The following ARID1B variants were observed in gnomAD, a reference collection of about 807,000 sequenced individuals.
ARID1B encodes AT-rich interaction domain 1B.
In ARID1B, 30 loss-of-function variants were observed where a neutral mutation model predicts 212.3. The observed-to-expected ratio is 0.14, with a 90% CI of 0.11 to 0.19. ARID1B has a LOEUF of 0.19. Among genes scored for constraint, ARID1B ranks in the 10% least tolerant of loss-of-function variants. ARID1B has a pLI of 1.00. For synonymous variants in ARID1B, 1,402 were observed against 1,301.7 expected (o/e 1.08, Z -1.66); for missense variants, 2,891 against 3,204.0 (o/e 0.90, Z 2.36).
At chr6:156,786,164 C>A (rs1779614417) in intron 1 of ARID1B, among the ~76,000 whole-genome samples, 2 of 151,876 alleles carry the variant, frequency 1.3e-5, no homozygotes, top group Non-Finnish European at 2.9e-5. Context: ...TTTTATTTTC[C>A]CACTATTAGT....
In ARID1B at chr6:156,778,610, C is replaced by T. The variant is rs1778872934; in HGVS notation, c.930C>T (p.Val310=). Residue 310 remains valine (V), a synonymous_variant, in exon 1 of 20, where the codon GTC becomes GTT. Coordinates refer to ENST00000636930, the MANE Select transcript of ARID1B (RefSeq NM_001374828.1). ...VPGGGGGPAA[V]PEFNNYYGSA... ...GGGGCGGCGGCGGCCCGGCGGCCGT[C>T]CCGGAGTTTAATAATTACTATGGCA... The T allele has an allele frequency of 6.7e-6, 9 of 1,339,106 alleles. No individual in the cohort carries two copies. The highest frequency in any genetic ancestry group is 1.9e-5 in the South Asian group (1 of 52,414). The allele number at this position is 1,339,106 out of a possible 1,614,324, so 83.0% of individuals were successfully genotyped here. A position where few individuals can be genotyped will look rare whatever the true frequency, so the allele number is the denominator to read the frequency against.
chr6:157,050,226 A>G (rs1395565687), intron 4 of ARID1B, among the ~76,000 whole-genome samples: 1 of 152,156 alleles, frequency 6.6e-6, no homozygotes, highest in Non-Finnish European at 1.5e-5. Context: ...CCAACAAGGA[A>G]GAACAACAGA....
chr6:156,961,876 G>T (rs944003184), intron 4 of ARID1B, among the ~76,000 whole-genome samples: 7 of 152,048 alleles, frequency 4.6e-5, no homozygotes, highest in Non-Finnish European at 8.8e-5. Flanking sequence ...TTGGGGTGGG[G>T]AGCAGCCTGC....
chr6:157,156,938 G>A (rs976982510), intron 8 of ARID1B, among the ~76,000 whole-genome samples: 2 of 152,196 alleles, frequency 1.3e-5, no homozygotes, highest in African/African-American at 2.4e-5. Flanking sequence ...TCGAGTCTGC[G>A]CCGACCTGAC....
At chr6:157,024,797 A>C (rs1489834255) in intron 4 of ARID1B, 2 of 152,096 alleles carry the variant, frequency 1.3e-5, no homozygotes, top group Non-Finnish European at 1.5e-5. Flanking sequence ...AAAAAAACCC[A>C]AAATCTGGCT....
intron 4 of ARID1B, among the ~76,000 whole-genome samples, chr6:157,047,622 G>A (rs1782324553): frequency 6.6e-6 from 1 of 152,160 alleles, no homozygotes; most frequent in Non-Finnish European, 1.5e-5. Context: ...GTTCATTTTT[G>A]TAAAAAGACG....
intron 4 of ARID1B, among the ~76,000 whole-genome samples, chr6:157,010,490 T>C (rs907603518): frequency 2.0e-5 from 3 of 151,886 alleles, no homozygotes; most frequent in Non-Finnish European, 4.4e-5. Flanking sequence ...ACCCAGCTAA[T>C]TGTTACATTT....
At chr6:156,994,345 G>A (rs528476263) in intron 4 of ARID1B, among the ~76,000 whole-genome samples, 34 of 152,144 alleles carry the variant, frequency 2.2e-4, no homozygotes, top group Admixed American at 1.9e-3. Context: ...TGCAGAAAGC[G>A]CTAATGGGTT....
chr6:156,897,736 G>A (rs1788601289), intron 2 of ARID1B, among the ~76,000 whole-genome samples: 1 of 152,090 alleles, frequency 6.6e-6, no homozygotes, highest in South Asian at 2.1e-4. Flanking sequence ...ACTTCCATGG[G>A]CCAGCAGTTT....
At chr6:156,844,415 G>T (rs1359086820) in intron 2 of ARID1B, among the ~76,000 whole-genome samples, 1 of 152,134 alleles carries the variant, frequency 6.6e-6, no homozygotes, top group Non-Finnish European at 1.5e-5. Context: ...TTTTAAAATT[G>T]GTATATGATT....
chr6:156,916,748 C>A (rs1485580859), intron 3 of ARID1B, among the ~76,000 whole-genome samples: 1 of 152,128 alleles, frequency 6.6e-6, no homozygotes, highest in Non-Finnish European at 1.5e-5. Context: ...GACTCAGAAT[C>A]GTTTTCCTTT....
chr6:156,994,405 C>T (rs1403098014), intron 4 of ARID1B, among the ~76,000 whole-genome samples: 1 of 151,956 alleles, frequency 6.6e-6, no homozygotes, highest in Non-Finnish European at 1.5e-5. Flanking sequence ...AGAGAACGCC[C>T]TCTGATTGTT....
At chr6:157,056,286 T>A (rs536681848) in intron 4 of ARID1B, among the ~76,000 whole-genome samples, 1 of 152,328 alleles carries the variant, frequency 6.6e-6, no homozygotes, top group Middle Eastern at 3.4e-3. Flanking sequence ...GTCTTTTTTT[T>A]ACATGTACTC....
intron 1 of ARID1B, among the ~76,000 whole-genome samples, chr6:156,822,665 C>T (rs906936924): frequency 6.6e-6 from 1 of 152,130 alleles, no homozygotes; most frequent in African/African-American, 2.4e-5. Flanking sequence ...AGAACCTGAC[C>T]AGAGTATGCA....
At position 157,121,792 on chromosome 6, in the gene ARID1B, C is replaced by T. The variant is rs551222332; in HGVS notation, c.2581+11231C>T. 6.6e-5 allele frequency among the ~76,000 whole-genome samples: 10 copies of T among 152,066 alleles called. No homozygotes were observed. The South Asian group carries it at 8.3e-4, about 13-fold the overall frequency. The stretch of plus-strand genomic sequence containing the variant: ...AACTATAGGCACATGTCACCACGCC[C>T]GGCTAATTTTTGTATTTTTAGTAAA... On this transcript the variant is annotated intron_variant, in intron 6 of 19. Coordinates refer to ENST00000636930, the MANE Select transcript of ARID1B (RefSeq NM_001374828.1).
chr6:157,003,391 A>G (rs775311832), intron 4 of ARID1B, among the ~76,000 whole-genome samples: 2 of 152,218 alleles, frequency 1.3e-5, no homozygotes, highest in African/African-American at 2.4e-5. Flanking sequence ...GGACAGCCTT[A>G]CATGGGGGCT....
intron 1 of ARID1B, among the ~76,000 whole-genome samples, chr6:156,819,782 G>C (rs1476033427): frequency 1.3e-5 from 2 of 152,222 alleles, no homozygotes; most frequent in Admixed American, 6.5e-5. Context: ...CCCGGGCCTG[G>C]AGTTCAGGGA....
At chr6:156,846,053 T>C (rs972139457) in intron 2 of ARID1B, among the ~76,000 whole-genome samples, 12 of 152,134 alleles carry the variant, frequency 7.9e-5, no homozygotes, top group Middle Eastern at 3.2e-3. Flanking sequence ...CCGACGACAA[T>C]GTTGGGATTC....
intron 12 of ARID1B, among the ~76,000 whole-genome samples, chr6:157,183,309 T>G (rs994353710): frequency 1.3e-5 from 2 of 152,100 alleles, no homozygotes; most frequent in Non-Finnish European, 2.9e-5. Flanking sequence ...CACAATTTAT[T>G]ATACACCACC....
Sources: gnomAD v4.1 joint callset for allele counts (sites outside exome capture counted in the v4.1 genomes callset) on GRCh38, gnomAD v4.1.1 for gene constraint, MANE v1.5 for transcripts, NCBI Gene and HGNC (gene_info 2026-07-23, HGNC 2026-07-21) for gene names.